PDE4D: variants seen among roughly 807,000 people sequenced by gnomAD.
PDE4D encodes the protein 3',5'-cyclic-AMP phosphodiesterase 4D.
A neutral mutation model predicts 87.4 loss-of-function variants in PDE4D; 24 were observed. The ratio of observed to expected loss-of-function variants is 0.27; its 90% CI spans 0.20 to 0.39. The LOEUF (loss-of-function observed/expected upper bound fraction) is 0.39. PDE4D is among the 10% of genes least tolerant of loss of function. The probability of loss-of-function intolerance (pLI) is 1.00; values close to 1 mark genes in which losing one functional copy is unlikely to be tolerated. For missense variants in PDE4D, 714 were observed against 1,041.0 expected (o/e 0.69, Z 4.32); for synonymous variants, 384 against 383.2 (o/e 1.00, Z -0.02).
At chr5:59,452,363 T>C (rs185068255) in intron 1 of PDE4D, among the ~76,000 whole-genome samples, 3 of 152,316 alleles carry the variant, frequency 2.0e-5, no homozygotes, top group Admixed American at 1.3e-4. Context: ...TTAAAAGTAG[T>C]GTATTTAATA....
At chr5:59,807,395 C>A (rs1465029917) in intron 1 of PDE4D, among the ~76,000 whole-genome samples, 4 of 152,152 alleles carry the variant, frequency 2.6e-5, no homozygotes, top group Non-Finnish European at 5.9e-5. Flanking sequence ...TTCTAGAGGG[C>A]AGACATGTCA....
intron 1 of PDE4D, among the ~76,000 whole-genome samples, chr5:59,650,946 A>G (rs1743353734): frequency 6.6e-6 from 1 of 152,184 alleles, no homozygotes; most frequent in Admixed American, 6.5e-5. Flanking sequence ...ATTCATTAAT[A>G]AACTTTTATT....
At chr5:60,503,231 A>G (rs1254666252) in intron 1 of PDE4D, among the ~76,000 whole-genome samples, 1 of 152,160 alleles carries the variant, frequency 6.6e-6, no homozygotes, top group Non-Finnish European at 1.5e-5. Flanking sequence ...AGCAGAAAAC[A>G]AGACAAAACA....
At chr5:60,473,559 T>A (rs1253100103) in intron 1 of PDE4D, among the ~76,000 whole-genome samples, 1 of 152,140 alleles carries the variant, frequency 6.6e-6, no homozygotes, top group Non-Finnish European at 1.5e-5. Context: ...TTTTTGACAA[T>A]TCTTGCAACT....
chr5:60,296,904 G>A (rs1458158784), intron 1 of PDE4D, among the ~76,000 whole-genome samples: 2 of 152,034 alleles, frequency 1.3e-5, no homozygotes, highest in African/African-American at 4.8e-5. Flanking sequence ...GAACATATGG[G>A]CACAGGGAGG....
intron 6 of PDE4D, among the ~76,000 whole-genome samples, chr5:59,025,067 A>C (rs2153379973): frequency 6.6e-6 from 1 of 152,264 alleles, no homozygotes; most frequent in South Asian, 2.1e-4. Flanking sequence ...AACCTATCTT[A>C]ATTTTTAACA....
intron 6 of PDE4D, among the ~76,000 whole-genome samples, chr5:59,026,730 A>G (rs568593025): frequency 6.6e-6 from 1 of 152,356 alleles, no homozygotes; most frequent in South Asian, 2.1e-4. Context: ...GGGATTAAAA[A>G]AAAAGGCTTT....
intron 3 of PDE4D, among the ~76,000 whole-genome samples, chr5:59,967,389 T>C (rs903659525): frequency 1.3e-5 from 2 of 151,986 alleles, no homozygotes. Flanking sequence ...ATTTTCACTA[T>C]CTACAGGGAA....
intron 5 of PDE4D, among the ~76,000 whole-genome samples, chr5:59,044,861 A>G (rs924821503): frequency 6.6e-6 from 1 of 152,172 alleles, no homozygotes; most frequent in Non-Finnish European, 1.5e-5. Flanking sequence ...ACTAACTACA[A>G]TTGTTTTTCC....
intron 1 of PDE4D, among the ~76,000 whole-genome samples, chr5:59,665,947 T>C (rs1174627622): frequency 2.0e-5 from 3 of 152,128 alleles, no homozygotes; most frequent in Admixed American, 6.5e-5. Flanking sequence ...ATTTCTATTG[T>C]TTATAAGCTA....
intron 6 of PDE4D, among the ~76,000 whole-genome samples, chr5:59,030,375 T>C (rs7733884): frequency 0.14 from 16,396 of 121,176 alleles, 1,402 homozygotes; most frequent in East Asian, 0.5. Flanking sequence ...AGGATCTGAA[T>C]AGACACACTT....
chr5:59,076,934 C>A (rs1049108125), intron 5 of PDE4D, among the ~76,000 whole-genome samples: 11 of 152,066 alleles, frequency 7.2e-5, no homozygotes, highest in South Asian at 2.1e-4. Context: ...CCCAAGCTAC[C>A]GATCCACAAC....
At chr5:59,438,315 T>C (rs1797080637) in intron 1 of PDE4D, among the ~76,000 whole-genome samples, 1 of 152,182 alleles carries the variant, frequency 6.6e-6, no homozygotes, top group Admixed American at 6.5e-5. Context: ...TTTTATTGTA[T>C]TTTTAATGTT....
chr5:60,078,895 T>G (rs543775996), intron 2 of PDE4D, among the ~76,000 whole-genome samples: 266 of 152,352 alleles, frequency 1.7e-3, no homozygotes, highest in African/African-American at 6.1e-3. Flanking sequence ...CCCTTGGGTA[T>G]GTACTAAGTA....
At chr5:59,998,884 G>C (rs1380452558) in intron 2 of PDE4D, among the ~76,000 whole-genome samples, 2 of 152,086 alleles carry the variant, frequency 1.3e-5, no homozygotes, top group Non-Finnish European at 1.5e-5. Context: ...CTATTGGGAA[G>C]AGAACAATTA....
intron 1 of PDE4D, among the ~76,000 whole-genome samples, chr5:59,229,381 A>C (rs1754625949): frequency 6.6e-6 from 1 of 152,176 alleles, no homozygotes; most frequent in African/African-American, 2.4e-5. Flanking sequence ...ATTTAAAGAA[A>C]TAGGTTAATG....
intron 1 of PDE4D, among the ~76,000 whole-genome samples, chr5:59,689,576 TA>T (rs1415966134): frequency 2.0e-5 from 3 of 152,212 alleles, no homozygotes; most frequent in African/African-American, 7.2e-5. Context: ...TATCTCAAAA[TA>T]ATAAGAGCTA....
At chr5:59,429,486 T>C (rs1795790922) in intron 1 of PDE4D, among the ~76,000 whole-genome samples, 1 of 152,172 alleles carries the variant, frequency 6.6e-6, no homozygotes, top group African/African-American at 2.4e-5. Context: ...TGAGTTTGTG[T>C]AGATATAATT....
intron 1 of PDE4D, among the ~76,000 whole-genome samples, chr5:59,566,533 C>CGTGTGT (rs1561221090): frequency 1.6e-4 from 16 of 102,638 alleles, no homozygotes; most frequent in African/African-American, 5.9e-4. Flanking sequence ...GTCACAGTTT[C>CGTGTGT]ATGTGTGTGT....
Sources: allele counts gnomAD v4.1 joint callset (sites outside exome capture counted in the v4.1 genomes callset), GRCh38; gene constraint gnomAD v4.1.1; transcripts MANE v1.5; gene names NCBI Gene and HGNC (gene_info 2026-07-23, HGNC 2026-07-21).